NRXN3: variants seen among roughly 807,000 people sequenced by gnomAD.
NRXN3 encodes the protein neurexin III.
Under a neutral mutation model 137.6 loss-of-function variants are expected in NRXN3, and 32 were observed. The ratio of observed to expected loss-of-function variants is 0.23; its 90% confidence interval spans 0.18 to 0.31. NRXN3 has a LOEUF of 0.31. Ranked by LOEUF, NRXN3 falls within the 10% of genes least tolerant of loss-of-function variation. The probability of loss-of-function intolerance (pLI) is 1.00; values close to 1 mark genes in which losing one functional copy is unlikely to be tolerated. For missense variants in NRXN3, 1,574 were observed against 2,062.5 expected (o/e 0.76, Z 4.59); for synonymous variants, 798 against 784.5 (o/e 1.02, Z -0.29).
chr14:79,136,650 C>G (rs1197184322), intron 15 of NRXN3, among the ~76,000 whole-genome samples: 3 of 152,182 alleles, frequency 2.0e-5, no homozygotes, highest in African/African-American at 7.2e-5. Flanking sequence ...ACAATGGGGC[C>G]AAGGTCTGTG....
chr14:79,156,431 A>T (rs2060261983), intron 15 of NRXN3, among the ~76,000 whole-genome samples: 1 of 151,860 alleles, frequency 6.6e-6, no homozygotes, highest in South Asian at 2.1e-4. Context: ...AAGAGTGACA[A>T]TCAGAAACTC....
chr14:79,664,023 A>G (rs747188673), intron 17 of NRXN3, 74 bp downstream of exon 17: 7 of 1,481,900 alleles, frequency 4.7e-6, no homozygotes, highest in Non-Finnish European at 3.7e-6. Context: ...GATTTTTCTC[A>G]TGACTGTCAC....
chr14:79,781,029 G>A, intron 19 of NRXN3, among the ~76,000 whole-genome samples: 1 of 139,980 alleles, frequency 7.1e-6, no homozygotes, highest in Non-Finnish European at 1.6e-5. Context: ...TGAAACTTCT[G>A]GCTCATAAGG....
Position 79,862,045 on chromosome 14 carries a change from A to C in NRXN3, c.*81A>C. 8.3e-7 allele frequency: 1 copy of C among 1,207,506 alleles called. No homozygotes were observed. Among genetic ancestry groups the C allele is most frequent in the Non-Finnish European group, 1.2e-6 (1 of 861,014 alleles). The allele number at this position is 1,207,506 out of a possible 1,614,324, so 74.8% of individuals were successfully genotyped here. On this transcript the variant is annotated 3_prime_UTR_variant, in exon 21 of 21. Transcript: ENST00000335750. Reference sequence around the variant, plus strand: ...GAATCTTTGGACGGTGAGATCTCACAGATGTCAGAACTGCTGGAACTATGA... The same window carrying C: ...GAATCTTTGGACGGTGAGATCTCACCGATGTCAGAACTGCTGGAACTATGA...
chr14:78,439,238 G>T (rs1314575483), intron 4 of NRXN3, among the ~76,000 whole-genome samples: 1 of 152,088 alleles, frequency 6.6e-6, no homozygotes, highest in Non-Finnish European at 1.5e-5. Context: ...AAAAAACCAG[G>T]GTACCTCTTT....
intron 4 of NRXN3, among the ~76,000 whole-genome samples, chr14:78,625,959 G>C (rs2097453963): frequency 2.0e-5 from 3 of 152,200 alleles, no homozygotes; most frequent in Admixed American, 2.0e-4. Context: ...AGAAGAGACT[G>C]TCACAACACT....
intron 4 of NRXN3, among the ~76,000 whole-genome samples, chr14:78,518,520 A>G (rs1334341422): frequency 6.6e-6 from 1 of 152,126 alleles, no homozygotes; most frequent in Non-Finnish European, 1.5e-5. Flanking sequence ...TTGAGAACCA[A>G]TGAGAGTGTC....
chr14:78,507,469 G>A (rs1008598845), intron 4 of NRXN3, among the ~76,000 whole-genome samples: 3 of 152,150 alleles, frequency 2.0e-5, no homozygotes, highest in African/African-American at 7.2e-5. Context: ...TTCTCCAAAG[G>A]TTAGTCCCAC....
At chr14:79,829,298 C>T (rs1483701726) in intron 20 of NRXN3, among the ~76,000 whole-genome samples, 1 of 152,224 alleles carries the variant, frequency 6.6e-6, no homozygotes, top group Non-Finnish European at 1.5e-5. Context: ...GAATACCTGT[C>T]TCTACCACAA....
intron 4 of NRXN3, among the ~76,000 whole-genome samples, chr14:78,550,030 C>CTTT (rs3032366): frequency 5.1e-5 from 6 of 117,098 alleles, no homozygotes; most frequent in African/African-American, 1.6e-4. Context: ...ATTCTGCAAA[C>CTTT]TTTTTTTTTT....
intron 1 of NRXN3, among the ~76,000 whole-genome samples, chr14:78,202,472 C>G (rs2153397085): frequency 6.6e-6 from 1 of 152,284 alleles, no homozygotes; most frequent in East Asian, 1.9e-4. Context: ...CGGGGGCCTT[C>G]CCTGAAGGTC....
intron 15 of NRXN3, among the ~76,000 whole-genome samples, chr14:79,407,619 A>G (rs1446599162): frequency 6.6e-6 from 1 of 152,134 alleles, no homozygotes; most frequent in Non-Finnish European, 1.5e-5. Context: ...TATCAAGTTT[A>G]ATGTCCTTAA....
chr14:79,680,250 C>G (rs562200877), intron 17 of NRXN3, among the ~76,000 whole-genome samples: 1 of 152,184 alleles, frequency 6.6e-6, no homozygotes, highest in African/African-American at 2.4e-5. Context: ...AGATGCATGC[C>G]TATAGTCGCA....
Position 79,307,062 on chromosome 14 carries a change from T to G in NRXN3, c.3263-160159T>G, listed in dbSNP as rs182839782. On this transcript the variant is annotated intron_variant, in intron 15 of 20. Transcript: ENST00000335750. ...ATTTTGGTAAACAACTTTGATTTAG[T>G]TTTTAGAGTTCTTTCACCTCCCTAA... 9.2e-5 allele frequency among the ~76,000 whole-genome samples: 14 copies of G among 152,232 alleles called. No homozygotes were observed. The East Asian group carries it at 2.3e-3, about 25-fold the overall frequency.
At chr14:79,151,725 G>A (rs1596516745) in intron 15 of NRXN3, among the ~76,000 whole-genome samples, 1 of 151,934 alleles carries the variant, frequency 6.6e-6, no homozygotes, top group Middle Eastern at 3.4e-3. Context: ...CCACTTTTGG[G>A]GTAGATCTAG....
intron 15 of NRXN3, among the ~76,000 whole-genome samples, chr14:79,252,950 T>C (rs2076127635): frequency 6.6e-6 from 1 of 152,204 alleles, no homozygotes; most frequent in Non-Finnish European, 1.5e-5. Context: ...CAGTCACATC[T>C]GTATGAAGAC....
At chr14:79,774,942 ATG>A (rs369365783) in intron 19 of NRXN3, among the ~76,000 whole-genome samples, 1 of 151,534 alleles carries the variant, frequency 6.6e-6, no homozygotes, top group Non-Finnish European at 1.5e-5. Flanking sequence ...TATATATAGT[ATG>A]TGTGTGTGTG....
At chr14:78,583,444 C>T (rs1316441350) in intron 4 of NRXN3, among the ~76,000 whole-genome samples, 19 of 150,774 alleles carry the variant, frequency 1.3e-4, no homozygotes, top group Middle Eastern at 3.4e-3. Context: ...AAAACAAACC[C>T]CAAAAAGTAT....
chr14:79,120,767 TC>T (rs2055275193), intron 15 of NRXN3, among the ~76,000 whole-genome samples: 1 of 152,138 alleles, frequency 6.6e-6, no homozygotes, highest in African/African-American at 2.4e-5. Context: ...AAGAAACCGT[TC>T]CAGCAGGAAA....
Sources: allele counts gnomAD v4.1 joint callset (sites outside exome capture counted in the v4.1 genomes callset), GRCh38; gene constraint gnomAD v4.1.1; transcripts MANE v1.5; gene names NCBI Gene and HGNC (gene_info 2026-07-23, HGNC 2026-07-21).